The following LYPLAL1 variants were observed in gnomAD, a reference collection of about 807,000 sequenced individuals.
The protein encoded by LYPLAL1 is lysophospholipase like 1, also known as lysophospholipase-like protein 1.
A neutral mutation model predicts 19.7 loss-of-function variants in LYPLAL1; 23 were observed. That is an observed-to-expected ratio of 1.17 (90% confidence interval 0.84 to 1.65). The LOEUF (loss-of-function observed/expected upper bound fraction) is 1.65, where lower values mean the gene tolerates loss of function less well. Among genes scored for constraint, LYPLAL1 ranks in the 40% most tolerant of loss-of-function variants. LYPLAL1 has a pLI of 0.00. For synonymous variants in LYPLAL1, 119 were observed against 96.3 expected (o/e 1.24, Z -1.38); for missense variants, 355 against 279.4 (o/e 1.27, Z -1.93).
chr1:219,193,287 C>A, intron 3 of LYPLAL1, 36 bp downstream of exon 3: 1 of 1,545,088 alleles, frequency 6.5e-7, no homozygotes, highest in South Asian at 1.2e-5. Flanking sequence ...TATCACTGTT[C>A]ACTTTTGTCT....
chr1:219,211,345 A>T, intron 4 of LYPLAL1, 147 bp from the exon 5 acceptor site: 1 of 610,896 alleles, frequency 1.6e-6, no homozygotes, highest in South Asian at 2.1e-5. Flanking sequence ...ACCAATGTAT[A>T]CCTCAGACAG....
the LYPLAL1 span, among the ~76,000 whole-genome samples, chr1:219,249,269 GGC>G: frequency 2.0e-5 from 3 of 151,900 alleles, no homozygotes; most frequent in Non-Finnish European, 4.4e-5. Flanking sequence ...CACAGTATGT[GGC>G]TTATTTTCTC....
chr1:219,251,997 A>G, the LYPLAL1 span, among the ~76,000 whole-genome samples: 1 of 150,978 alleles, frequency 6.6e-6, no homozygotes, highest in Admixed American at 6.6e-5. Context: ...CTTTCACTTC[A>G]TGTGTATTCC....
chr1:219,238,238 C>T, the LYPLAL1 span, among the ~76,000 whole-genome samples: 3 of 148,456 alleles, frequency 2.0e-5, no homozygotes, highest in South Asian at 2.1e-4. Flanking sequence ...CCCGGGTTCA[C>T]GCCATTCTCC....
the LYPLAL1 span, among the ~76,000 whole-genome samples, chr1:219,228,733 G>C: frequency 6.6e-6 from 1 of 151,996 alleles, no homozygotes; most frequent in Non-Finnish European, 1.5e-5. Context: ...AGGCTGGAGT[G>C]CAATGGCGCG....
intron 3 of LYPLAL1, among the ~76,000 whole-genome samples, chr1:219,196,843 T>C (rs1657644710): frequency 6.6e-6 from 1 of 152,094 alleles, no homozygotes; most frequent in African/African-American, 2.4e-5. Flanking sequence ...CAAGCATTCC[T>C]ATACACCAAC....
chr1:219,290,142 G>A, the LYPLAL1 span, among the ~76,000 whole-genome samples: 20,437 of 152,236 alleles, frequency 0.13, 1,441 homozygotes, highest in East Asian at 0.24. Context: ...GAATGCTCAG[G>A]TGTGATGTCT....
At chr1:219,258,792 CT>C in the LYPLAL1 span, among the ~76,000 whole-genome samples, 15 of 152,096 alleles carry the variant, frequency 9.9e-5, no homozygotes, top group African/African-American at 3.4e-4. Context: ...AACTAAAAAG[CT>C]TCTGCACAGC....
chr1:219,403,179 T>C, the LYPLAL1 span, among the ~76,000 whole-genome samples: 2 of 152,242 alleles, frequency 1.3e-5, no homozygotes, highest in Admixed American at 1.3e-4. Context: ...AGTGAAAACT[T>C]GGGTGCATGC....
At chr1:219,421,299 C>T in the LYPLAL1 span, among the ~76,000 whole-genome samples, 1,805 of 152,252 alleles carry the variant, frequency 0.012, 27 homozygotes, top group East Asian at 0.06. Flanking sequence ...AATCCAGTGG[C>T]CCATCATGTT....
At chr1:219,350,234 A>G in the LYPLAL1 span, among the ~76,000 whole-genome samples, 2 of 152,096 alleles carry the variant, frequency 1.3e-5, no homozygotes, top group Non-Finnish European at 1.5e-5. Context: ...TGAGATCCAC[A>G]TGCATGCCCT....
intron 3 of LYPLAL1, among the ~76,000 whole-genome samples, chr1:219,194,283 G>A (rs1657430559): frequency 6.6e-6 from 1 of 151,876 alleles, no homozygotes; most frequent in African/African-American, 2.4e-5. Flanking sequence ...GAGCATTATG[G>A]GAGGACTAGG....
the LYPLAL1 span, among the ~76,000 whole-genome samples, chr1:219,275,661 C>T: frequency 1.3e-5 from 2 of 151,900 alleles, no homozygotes; most frequent in Non-Finnish European, 2.9e-5. Flanking sequence ...TTAAGGTGAT[C>T]TATAGGCAAA....
chr1:219,300,054 C>A, the LYPLAL1 span, among the ~76,000 whole-genome samples: 5 of 152,144 alleles, frequency 3.3e-5, no homozygotes, highest in African/African-American at 1.2e-4. Flanking sequence ...TCACAGCTAA[C>A]TGCACCCATA....
the LYPLAL1 span, among the ~76,000 whole-genome samples, chr1:219,313,857 T>C: frequency 6.6e-6 from 1 of 152,216 alleles, no homozygotes; most frequent in African/African-American, 2.4e-5. Context: ...TTTAGGTTCA[T>C]GTGCAAGTCT....
At chr1:219,372,754 A>G in the LYPLAL1 span, among the ~76,000 whole-genome samples, 2 of 152,028 alleles carry the variant, frequency 1.3e-5, no homozygotes, top group Admixed American at 1.3e-4. Flanking sequence ...TACAAAAAAA[A>G]TTGGCCAAGC....
the LYPLAL1 span, among the ~76,000 whole-genome samples, chr1:219,280,295 A>C: frequency 1.3e-5 from 2 of 152,198 alleles, no homozygotes; most frequent in African/African-American, 4.8e-5. Flanking sequence ...TTTGATGCCT[A>C]AAGAAGGTAT....
chr1:219,412,216 C>G, the LYPLAL1 span, among the ~76,000 whole-genome samples: 2 of 152,068 alleles, frequency 1.3e-5, no homozygotes, highest in African/African-American at 4.8e-5. Flanking sequence ...TTTGTAGAGA[C>G]TCAATCTCAC....
the LYPLAL1 span, among the ~76,000 whole-genome samples, chr1:219,283,230 G>C: frequency 1.3e-4 from 19 of 151,912 alleles, no homozygotes; most frequent in African/African-American, 4.8e-5. Context: ...GTGACAACAG[G>C]GCATGTTCTT....
Sources: gnomAD v4.1 joint callset for allele counts (sites outside exome capture counted in the v4.1 genomes callset) on GRCh38, gnomAD v4.1.1 for gene constraint, MANE v1.5 for transcripts, NCBI Gene and HGNC (gene_info 2026-07-23, HGNC 2026-07-21) for gene names.